MYRIP: variants seen among roughly 807,000 people sequenced by gnomAD.
The protein encoded by MYRIP is myosin VIIA and Rab interacting protein.
In MYRIP, 49 loss-of-function variants were observed where a neutral mutation model predicts 98.0. The ratio of observed to expected loss-of-function variants is 0.50; its 90% CI spans 0.40 to 0.63. The LOEUF (loss-of-function observed/expected upper bound fraction) is 0.63, where lower values mean the gene tolerates loss of function less well. Among genes scored for constraint, MYRIP ranks in the 30% least tolerant of loss-of-function variants. The pLI is 0.00. For missense variants in MYRIP, 1,004 were observed against 1,058.2 expected, an observed-to-expected ratio of 0.95 and a Z score of 0.71; for synonymous variants, 404 against 409.5, an observed-to-expected ratio of 0.99 and a Z score of 0.16.
chr3:39,984,498 T>A (rs1419273156), intron 2 of MYRIP, among the ~76,000 whole-genome samples: 3 of 152,166 alleles, frequency 2.0e-5, no homozygotes, highest in Non-Finnish European at 2.9e-5. Flanking sequence ...GTTCTTGCGA[T>A]AGTTTACTGA....
At chr3:40,190,528 C>T in intron 10 of MYRIP, 65 bp downstream of exon 10, 2 of 1,511,168 alleles carry the variant, frequency 1.3e-6, no homozygotes, top group Non-Finnish European at 8.8e-7. Flanking sequence ...CTACTCCAAG[C>T]ACAAGTGGCA....
chr3:39,839,206 A>T (rs564501202), intron 1 of MYRIP, among the ~76,000 whole-genome samples: 1 of 147,966 alleles, frequency 6.8e-6, no homozygotes, highest in Non-Finnish European at 1.5e-5. Flanking sequence ...CTCTTATTTT[A>T]GTTATTTATT....
chr3:39,928,392 A>G (rs572118851), intron 2 of MYRIP, among the ~76,000 whole-genome samples: 1 of 152,050 alleles, frequency 6.6e-6, no homozygotes, highest in African/African-American at 2.4e-5. Flanking sequence ...GGAGAAAATT[A>G]CAAATCAATA....
chr3:39,918,514 G>A (rs1284596020), intron 2 of MYRIP, among the ~76,000 whole-genome samples: 1 of 152,128 alleles, frequency 6.6e-6, no homozygotes, highest in Admixed American at 6.5e-5. Flanking sequence ...TCCCCATCCT[G>A]CCTAATGAGG....
intron 1 of MYRIP, among the ~76,000 whole-genome samples, chr3:39,875,762 T>C (rs1187833320): frequency 7.3e-5 from 11 of 151,528 alleles, no homozygotes; most frequent in Non-Finnish European, 1.2e-4. Flanking sequence ...TACTTCCAAC[T>C]ATGTGGTCAA....
chr3:40,077,912 C>T (rs1238618969), intron 3 of MYRIP, among the ~76,000 whole-genome samples: 1 of 123,834 alleles, frequency 8.1e-6, no homozygotes, highest in Non-Finnish European at 1.7e-5. Flanking sequence ...GTCCCGCGCC[C>T]TGCGCCCTGC....
chr3:40,118,823 G>T (rs1487474801), intron 3 of MYRIP, among the ~76,000 whole-genome samples: 1 of 151,502 alleles, frequency 6.6e-6, no homozygotes, highest in Non-Finnish European at 1.5e-5. Flanking sequence ...TCATTCTTCA[G>T]TTCCCACCTA....
intron 3 of MYRIP, among the ~76,000 whole-genome samples, chr3:40,089,565 A>C (rs901436634): frequency 6.6e-6 from 1 of 152,240 alleles, no homozygotes; most frequent in African/African-American, 2.4e-5. Context: ...AAATGCTAGA[A>C]GTGTTTATTG....
chr3:40,207,753 C>T (rs1344189), intron 10 of MYRIP, among the ~76,000 whole-genome samples: 69,346 of 151,990 alleles, frequency 0.46, 16,750 homozygotes, highest in Non-Finnish European at 0.55. Flanking sequence ...TTCATCCTTA[C>T]TAATATTGTT....
chr3:40,122,364 GA>G lies in MYRIP; in HGVS notation c.333-28677del, dbSNP rs565821006. Among the ~76,000 whole-genome samples the G allele has an allele frequency of 5.5e-3, 827 of 150,870 alleles. 8 individuals are homozygous for G. Among genetic ancestry groups the G allele is most frequent in the African/African-American group, 0.019 (777 of 41,304 alleles). The stretch of plus-strand genomic sequence containing the variant: ...TTTTACATGTGAAATGAAAATATGA[GA>G]AAAAAAGGCCTTTATATATTTTGAA... On this transcript the variant is annotated intron_variant, in intron 3 of 16. Coordinates refer to ENST00000302541, the MANE Select transcript of MYRIP (RefSeq NM_015460.4).
chr3:39,865,548 C>A lies in MYRIP; in HGVS notation c.-30-35239C>A, dbSNP rs190975965. Among the ~76,000 whole-genome samples the A allele has an allele frequency of 3.9e-5, 6 of 152,184 alleles. No individual in the cohort carries two copies. The East Asian group carries it at 1.2e-3, about 29-fold the overall frequency. On this transcript the variant is annotated intron_variant, in intron 1 of 16. Coordinates refer to ENST00000302541, the MANE Select transcript of MYRIP (RefSeq NM_015460.4). ...CAGACACTTTTCAAAACAAGGCATA[C>A]CCATGGTCAACAAGCATATGAAAAA...
intron 3 of MYRIP, among the ~76,000 whole-genome samples, chr3:40,076,736 A>T (rs1948350923): frequency 6.6e-6 from 1 of 152,108 alleles, no homozygotes; most frequent in Admixed American, 6.5e-5. Context: ...ACATGGCTAA[A>T]ATTCTGTTTC....
chr3:40,150,805 C>T (rs1057145016), intron 3 of MYRIP, among the ~76,000 whole-genome samples: 1 of 152,132 alleles, frequency 6.6e-6, no homozygotes, highest in Non-Finnish European at 1.5e-5. Context: ...CTAGCTTGGG[C>T]TTACTCACGT....
intron 3 of MYRIP, among the ~76,000 whole-genome samples, chr3:40,066,927 A>C (rs2125854650): frequency 6.6e-6 from 1 of 152,278 alleles, no homozygotes; most frequent in South Asian, 2.1e-4. Flanking sequence ...TTAAATTTAA[A>C]AGCTGGTATT....
At chr3:39,915,145 C>T (rs1266440131) in intron 2 of MYRIP, among the ~76,000 whole-genome samples, 1 of 152,098 alleles carries the variant, frequency 6.6e-6, no homozygotes, top group Non-Finnish European at 1.5e-5. Flanking sequence ...ACTTGCTTTA[C>T]TAGACAGACA....
chr3:40,126,732 T>G (rs1033314393), intron 3 of MYRIP, among the ~76,000 whole-genome samples: 23 of 152,252 alleles, frequency 1.5e-4, no homozygotes, highest in Admixed American at 8.5e-4. Flanking sequence ...TCATTGTACC[T>G]TAAGTTTATT....
chr3:39,933,047 A>T (rs1944576518), intron 2 of MYRIP, among the ~76,000 whole-genome samples: 1 of 152,242 alleles, frequency 6.6e-6, no homozygotes, highest in Non-Finnish European at 1.5e-5. Flanking sequence ...GACAATCTAG[A>T]TGAATTTAGA....
intron 3 of MYRIP, among the ~76,000 whole-genome samples, chr3:40,122,461 A>G (rs1949424486): frequency 6.6e-6 from 1 of 151,426 alleles, no homozygotes; most frequent in Admixed American, 6.6e-5. Flanking sequence ...AAAATATACA[A>G]ATACATGTAA....
intron 1 of MYRIP, among the ~76,000 whole-genome samples, chr3:39,892,210 A>G (rs1439162754): frequency 6.6e-6 from 1 of 152,170 alleles, no homozygotes; most frequent in Non-Finnish European, 1.5e-5. Context: ...GTAACTGGGT[A>G]CATTCTTACC....
Sources: allele counts gnomAD v4.1 joint callset (sites outside exome capture counted in the v4.1 genomes callset), GRCh38; gene constraint gnomAD v4.1.1; transcripts MANE v1.5; gene names NCBI Gene and HGNC (gene_info 2026-07-23, HGNC 2026-07-21).